ETV5: variants seen among roughly 807,000 people sequenced by gnomAD.
The protein encoded by ETV5 is ETS translocation variant 5.
ETV5 carries 10 observed loss-of-function variants against 70.0 expected under a neutral mutation model. That is an observed-to-expected ratio of 0.14 (90% CI 0.09 to 0.24). ETV5 has a LOEUF of 0.24. Ranked by LOEUF, ETV5 falls within the 10% of genes least tolerant of loss-of-function variation. The pLI is 1.00. For missense variants in ETV5, 453 were observed against 651.2 expected (o/e 0.70, Z 3.31); for synonymous variants, 216 against 242.2 (o/e 0.89, Z 1.01).
rs1021667949 is a variant in ETV5, at chr3:186,108,728, C to T, written c.-75+212G>A. On this transcript the variant is annotated intron_variant, in intron 1 of 12. Coordinates refer to ENST00000306376, the MANE Select transcript of ETV5 (RefSeq NM_004454.3). The stretch of plus-strand genomic sequence containing the variant: ...AGCCGCTCTCCCCGCGCTCCGGAAC[C>T]GTTAGCCGCACCCGCCCGACGCCTC... 13 of 1,064,926 alleles carry T rather than the reference C, an allele frequency of 1.2e-5. No homozygotes were observed. In the Admixed American group the frequency reaches 1.7e-4, roughly 14 times the overall value. 66.0% of individuals were successfully genotyped at this position (1,064,926 alleles called of 1,614,324 possible). A position where few individuals can be genotyped will look rare whatever the true frequency, so the allele number is the denominator to read the frequency against.
chr3:186,108,159 C>G (rs1202663839), intron 1 of ETV5, among the ~76,000 whole-genome samples: 1 of 146,372 alleles, frequency 6.8e-6, no homozygotes, highest in African/African-American at 2.5e-5. Flanking sequence ...ACCCCCTCGT[C>G]GACCAGGAGT....
rs1451757891 is a variant in ETV5, at chr3:186,048,110, G to T, written c.*529C>A. The T allele has an allele frequency of 4.3e-6, 1 of 234,476 alleles. No individual in the cohort carries two copies. Among genetic ancestry groups the T allele is most frequent in the Admixed American group, 5.5e-5 (1 of 18,064 alleles). 14.5% of individuals were successfully genotyped at this position (234,476 alleles called of 1,614,324 possible). A position where few individuals can be genotyped will look rare whatever the true frequency, so the allele number is the denominator to read the frequency against. On this transcript the variant is annotated 3_prime_UTR_variant, in exon 13 of 13. Coordinates refer to ENST00000306376, the MANE Select transcript of ETV5 (RefSeq NM_004454.3). ...CTGCCCCCCTTTTTCTAGACAAGGG[G>T]TAATATTTCAGATTCAGCTAGAAGA... is the stretch of plus-strand genomic sequence containing the variant.
At chr3:186,077,653 G>A (rs1018945610) in intron 7 of ETV5, among the ~76,000 whole-genome samples, 9 of 152,058 alleles carry the variant, frequency 5.9e-5, no homozygotes, top group Non-Finnish European at 8.8e-5. Flanking sequence ...TCCAGGCCCC[G>A]CCCCAGGCCC....
chr3:186,098,414 C>A (rs545866863), intron 5 of ETV5, among the ~76,000 whole-genome samples: 19 of 152,068 alleles, frequency 1.2e-4, no homozygotes, highest in African/African-American at 4.6e-4. Flanking sequence ...GGCTTCCTCC[C>A]CAGGGGAGGA....
At chr3:186,107,058 T>C (rs1327318720) in intron 1 of ETV5, 4 of 510,098 alleles carry the variant, frequency 7.8e-6, no homozygotes, top group African/African-American at 6.2e-5. Context: ...AATTTGTTTT[T>C]CACACTGTGT....
chr3:186,061,127 T>C (rs1713294510), intron 9 of ETV5, among the ~76,000 whole-genome samples: 1 of 152,170 alleles, frequency 6.6e-6, no homozygotes, highest in African/African-American at 2.4e-5. Context: ...TATGAACTAA[T>C]CACTTATAAA....
At chr3:186,086,547 A>T (rs183675637) in intron 5 of ETV5, among the ~76,000 whole-genome samples, 2 of 152,378 alleles carry the variant, frequency 1.3e-5, no homozygotes, top group Admixed American at 1.3e-4. Flanking sequence ...CTATGAGGTC[A>T]ACATGTAAAA....
chr3:186,079,298 T>A (rs1713873495), intron 7 of ETV5: 2 of 228,510 alleles, frequency 8.8e-6, no homozygotes, highest in Non-Finnish European at 1.7e-5. Flanking sequence ...CCACCTGCAG[T>A]GTAACCAGGA....
chr3:186,086,194 A>G (rs1031115360), intron 5 of ETV5, among the ~76,000 whole-genome samples: 1 of 152,230 alleles, frequency 6.6e-6, no homozygotes, highest in Non-Finnish European at 1.5e-5. Context: ...CAGTTAGCTG[A>G]TAAGATGTAA....
At chr3:186,108,786 A>G in intron 1 of ETV5, 154 bp downstream of exon 1, 4 of 475,646 alleles carry the variant, frequency 8.4e-6, no homozygotes, top group Non-Finnish European at 1.2e-5. Flanking sequence ...CCGCGGGGGG[A>G]GGGGGCGGTC....
At chr3:186,098,105 C>A (rs1412916540) in intron 5 of ETV5, among the ~76,000 whole-genome samples, 1 of 152,190 alleles carries the variant, frequency 6.6e-6, no homozygotes, top group African/African-American at 2.4e-5. Context: ...CTGCTGTGCA[C>A]CCTTCCTAGG....
chr3:186,086,345 T>C (rs1437584276), intron 5 of ETV5, among the ~76,000 whole-genome samples: 3 of 152,210 alleles, frequency 2.0e-5, no homozygotes, highest in African/African-American at 7.2e-5. Context: ...ACGGAACTCC[T>C]TAGATTTTTC....
chr3:186,066,276 A>AAAAAAAAAAAAAAAAC, intron 7 of ETV5, among the ~76,000 whole-genome samples: 1 of 151,182 alleles, frequency 6.6e-6, no homozygotes, highest in Non-Finnish European at 1.5e-5. Context: ...AAAAAAAAAA[A>AAAAAAAAAAAAAAAAC]AAAATCAAAG....
intron 5 of ETV5, among the ~76,000 whole-genome samples, chr3:186,094,225 G>A (rs998970956): frequency 1.3e-5 from 2 of 152,286 alleles, no homozygotes; most frequent in East Asian, 1.9e-4. Context: ...AAGTGGTCAC[G>A]GATGGGAGGA....
At chr3:186,089,109 GA>G (rs1469032287) in intron 5 of ETV5, among the ~76,000 whole-genome samples, 1 of 152,184 alleles carries the variant, frequency 6.6e-6, no homozygotes, top group Non-Finnish European at 1.5e-5. Context: ...TGGGAAACAA[GA>G]AGGTTCACAA....
intron 5 of ETV5, among the ~76,000 whole-genome samples, chr3:186,099,517 A>AG (rs1236792155): frequency 6.6e-6 from 1 of 152,238 alleles, no homozygotes; most frequent in East Asian, 1.9e-4. Context: ...TATGCCCGAG[A>AG]GGGGGCTGTC....
chr3:186,086,625 C>CA (rs1714063478), intron 5 of ETV5, among the ~76,000 whole-genome samples: 1 of 151,990 alleles, frequency 6.6e-6, no homozygotes, highest in Non-Finnish European at 1.5e-5. Flanking sequence ...ACAAAATCAT[C>CA]AAATAGCTAG....
At chr3:186,063,257 G>A (rs574259561) in intron 9 of ETV5, among the ~76,000 whole-genome samples, 13 of 152,224 alleles carry the variant, frequency 8.5e-5, no homozygotes, top group African/African-American at 2.4e-4. Flanking sequence ...GCAACAGAGC[G>A]AGACTCCGTC....
chr3:186,057,484 T>C lies in ETV5; in HGVS notation c.978A>G (p.Ser326=), dbSNP rs141184374. The change falls in exon 10 of 13, where the codon TCA becomes TCG. Residue 326 remains serine, a synonymous_variant. Coordinates refer to ENST00000306376, the MANE Select transcript of ETV5 (RefSeq NM_004454.3). This position sits in a 1 kb window ranked among gnomAD's most constrained non-coding sequence, Gnocchi z 4.9. ...GYFSSSHEGF[S]YEKDPRLYFD... is the part of the protein sequence containing the mutation. Reference sequence around the variant, plus strand: ...AGTATAATCGGGGATCTTTTTCATATGAAAAACCTGAAAGAGAATTTAAAA... The same window carrying C: ...AGTATAATCGGGGATCTTTTTCATACGAAAAACCTGAAAGAGAATTTAAAA... 5 of 1,613,566 alleles carry C rather than the reference T, an allele frequency of 3.1e-6. No homozygotes were observed. The Admixed American group carries it at 6.7e-5, about 22-fold the overall frequency.
Sources: allele counts gnomAD v4.1 joint callset (sites outside exome capture counted in the v4.1 genomes callset), GRCh38; gene constraint gnomAD v4.1.1; non-coding constraint Gnocchi (gnomAD v3.1); transcripts MANE v1.5; gene names NCBI Gene and HGNC (gene_info 2026-07-23, HGNC 2026-07-21).